Variants in DOCK3 observed in about 807,000 individuals in gnomAD.
DOCK3 encodes the protein dedicator of cytokinesis protein 3.
A neutral mutation model predicts 265.6 loss-of-function variants in DOCK3; 60 were observed. That is an observed-to-expected ratio of 0.23 (90% confidence interval 0.18 to 0.28). The LOEUF (loss-of-function observed/expected upper bound fraction) is 0.28, where lower values mean the gene tolerates loss of function less well. Among genes scored for constraint, DOCK3 ranks in the 10% least tolerant of loss-of-function variants. DOCK3 has a pLI of 1.00. For synonymous variants in DOCK3, 881 were observed against 938.0 expected (o/e 0.94, Z 1.11); for missense variants, 1,981 against 2,594.3 (o/e 0.76, Z 5.14).
intron 19 of DOCK3, among the ~76,000 whole-genome samples, chr3:51,232,344 G>C (rs900542505): frequency 6.6e-6 from 1 of 152,110 alleles, no homozygotes; most frequent in Non-Finnish European, 1.5e-5. Flanking sequence ...ATGCATGTGC[G>C]TGTATCTTTT....
intron 3 of DOCK3, among the ~76,000 whole-genome samples, chr3:50,886,974 C>T (rs201575383): frequency 1.3e-5 from 2 of 151,988 alleles, no homozygotes. Context: ...AGAGCAAACA[C>T]ATTCAAAAGC....
chr3:51,141,033 CTTGT>C (rs1431177998), intron 9 of DOCK3, among the ~76,000 whole-genome samples: 1 of 151,924 alleles, frequency 6.6e-6, no homozygotes, highest in Non-Finnish European at 1.5e-5. Context: ...CATTCTGTGG[CTTGT>C]TTGTTGCTTT....
intron 38 of DOCK3, among the ~76,000 whole-genome samples, chr3:51,346,660 G>C (rs1238329758): frequency 1.3e-5 from 2 of 152,196 alleles, no homozygotes; most frequent in African/African-American, 4.8e-5. Context: ...ACCCAGTAAT[G>C]AGATCGCTGG....
intron 21 of DOCK3, among the ~76,000 whole-genome samples, chr3:51,246,250 T>TTC: frequency 6.6e-6 from 1 of 151,168 alleles, no homozygotes; most frequent in East Asian, 1.9e-4. Flanking sequence ...TTTTTTTTTT[T>TTC]CAGATGAGAT....
At chr3:50,709,219 A>G (rs1056245016) in intron 1 of DOCK3, among the ~76,000 whole-genome samples, 2 of 152,182 alleles carry the variant, frequency 1.3e-5, no homozygotes, top group African/African-American at 4.8e-5. Flanking sequence ...ATAGAAATAC[A>G]CTTGACTTTG....
chr3:51,253,287 G>A (rs147669378), intron 22 of DOCK3, among the ~76,000 whole-genome samples: 109 of 152,216 alleles, frequency 7.2e-4, no homozygotes, highest in African/African-American at 2.6e-3. Flanking sequence ...GAGGATTTTC[G>A]CATCAATGTT....
At chr3:50,940,307 A>G (rs2076254330) in intron 5 of DOCK3, among the ~76,000 whole-genome samples, 1 of 136,724 alleles carries the variant, frequency 7.3e-6, no homozygotes, top group East Asian at 2.2e-4. Flanking sequence ...AAAAAAAAAA[A>G]GGAAGAAGGA....
chr3:51,170,173 C>T (rs911669424), intron 12 of DOCK3, among the ~76,000 whole-genome samples: 1 of 152,160 alleles, frequency 6.6e-6, no homozygotes, highest in South Asian at 2.1e-4. Context: ...AAATCTGAAA[C>T]AATTCTAGTC....
chr3:51,325,128 G>T (rs745384388), intron 32 of DOCK3, among the ~76,000 whole-genome samples: 2 of 151,924 alleles, frequency 1.3e-5, no homozygotes, highest in Non-Finnish European at 2.9e-5. Flanking sequence ...AGAGTGAACA[G>T]ACAACCTACA....
intron 5 of DOCK3, among the ~76,000 whole-genome samples, chr3:50,949,694 A>G (rs2076538645): frequency 6.6e-6 from 1 of 152,080 alleles, no homozygotes; most frequent in Admixed American, 6.5e-5. Flanking sequence ...TTTTTGATCA[A>G]TTTTGATAAT....
chr3:51,281,605 C>T (rs1050168144), intron 27 of DOCK3, among the ~76,000 whole-genome samples: 12 of 152,122 alleles, frequency 7.9e-5, no homozygotes, highest in African/African-American at 2.9e-4. Flanking sequence ...TTTGCTCCCC[C>T]ACTGCTTTTA....
chr3:51,087,398 C>G (rs918802454), intron 7 of DOCK3, among the ~76,000 whole-genome samples: 1 of 152,098 alleles, frequency 6.6e-6, no homozygotes, highest in Middle Eastern at 3.2e-3. Flanking sequence ...ATGATCATCT[C>G]AATAGTCACA....
chr3:50,936,323 T>C (rs2051357870), intron 5 of DOCK3, among the ~76,000 whole-genome samples: 1 of 151,288 alleles, frequency 6.6e-6, no homozygotes, highest in Admixed American at 6.6e-5. Flanking sequence ...TAACGTAAGA[T>C]GTAACACTGT....
chr3:51,080,261 G>A (rs903901885), intron 7 of DOCK3, among the ~76,000 whole-genome samples: 1 of 152,198 alleles, frequency 6.6e-6, no homozygotes, highest in Non-Finnish European at 1.5e-5. Context: ...AGACTTTACA[G>A]GGCTGAAAAT....
rs377174633 is a variant in DOCK3, at chr3:51,110,705, C to CT, written c.746+20322dup. Among the ~76,000 whole-genome samples, 65 of 152,292 alleles carry CT rather than the reference C, an allele frequency of 4.3e-4. 1 individual carries two copies. The highest frequency in any genetic ancestry group is 1.5e-3 in the African/African-American group (64 of 41,570). On this transcript the variant is annotated intron_variant, in intron 9 of 52. Coordinates refer to ENST00000266037, the MANE Select transcript of DOCK3 (RefSeq NM_004947.5). ...CATACCTCAAAATAATAAGAGCCAT[C>CT]TATGACAAACCCACAGCCAACCTCA...
chr3:50,715,014 C>A (rs975837312), intron 1 of DOCK3, among the ~76,000 whole-genome samples: 1 of 152,196 alleles, frequency 6.6e-6, no homozygotes, highest in Admixed American at 6.5e-5. Context: ...CAATTGCACT[C>A]AACATATTTT....
chr3:51,348,780 T>A, intron 38 of DOCK3, 72 bp from the exon 39 acceptor site: 1 of 1,444,084 alleles, frequency 6.9e-7, no homozygotes. Context: ...GTGTGTCTTC[T>A]GATGTGTTTA....
chr3:51,244,415 G>A (rs143700338), intron 21 of DOCK3, among the ~76,000 whole-genome samples: 26 of 152,086 alleles, frequency 1.7e-4, no homozygotes, highest in African/African-American at 5.5e-4. Context: ...TTAGTTAAAT[G>A]TATCCTAAGT....
intron 5 of DOCK3, among the ~76,000 whole-genome samples, chr3:51,035,599 G>A (rs2080236162): frequency 2.6e-5 from 4 of 151,952 alleles, no homozygotes. Flanking sequence ...TCTGAGTCTG[G>A]GTAAGCTTTT....
Sources: gnomAD v4.1 joint callset for allele counts (sites outside exome capture counted in the v4.1 genomes callset) on GRCh38, gnomAD v4.1.1 for gene constraint, MANE v1.5 for transcripts, NCBI Gene and HGNC (gene_info 2026-07-23, HGNC 2026-07-21) for gene names.